The following ASTN2 variants were observed in gnomAD, a reference collection of about 807,000 sequenced individuals.
ASTN2 encodes the protein astrotactin-2.
A neutral mutation model predicts 139.8 loss-of-function variants in ASTN2; 54 were observed. The observed-to-expected ratio is 0.39, with a 90% CI of 0.31 to 0.48. The LOEUF is 0.48. Among genes scored for constraint, ASTN2 ranks in the 20% least tolerant of loss-of-function variants. ASTN2 has a pLI of 0.95. For missense variants in ASTN2, 1,565 were observed against 1,725.1 expected (o/e 0.91, Z 1.64); for synonymous variants, 756 against 719.5 (o/e 1.05, Z -0.81).
chr9:116,654,143 CCCACGCTCTGG>C (rs1366650656), intron 16 of ASTN2, among the ~76,000 whole-genome samples: 3 of 152,166 alleles, frequency 2.0e-5, no homozygotes, highest in Non-Finnish European at 4.4e-5. Context: ...GACTCATTAG[CCCACGCTCTGG>C]CCTAGGTCAA....
intron 4 of ASTN2, among the ~76,000 whole-genome samples, chr9:117,099,718 T>C (rs1828928025): frequency 6.6e-6 from 1 of 152,230 alleles, no homozygotes; most frequent in African/African-American, 2.4e-5. Flanking sequence ...AGCTTGTAAG[T>C]AGCAGAACCA....
chr9:116,598,525 T>C (rs1292564985), intron 19 of ASTN2, among the ~76,000 whole-genome samples: 2 of 152,196 alleles, frequency 1.3e-5, no homozygotes, highest in East Asian at 3.8e-4. Context: ...AGTAAAGTAA[T>C]AGCAAAATCC....
intron 2 of ASTN2, among the ~76,000 whole-genome samples, chr9:117,240,890 T>A (rs1006709221): frequency 6.6e-6 from 1 of 152,202 alleles, no homozygotes; most frequent in Non-Finnish European, 1.5e-5. Context: ...TTCTCGGCAC[T>A]CATTTTCTGC....
intron 19 of ASTN2, among the ~76,000 whole-genome samples, chr9:116,599,125 G>A (rs1018547462): frequency 2.6e-5 from 4 of 152,152 alleles, no homozygotes; most frequent in African/African-American, 9.7e-5. Flanking sequence ...GGATTAAGAC[G>A]ACCTAGAGTT....
At chr9:117,360,263 G>A (rs967648480) in intron 1 of ASTN2, among the ~76,000 whole-genome samples, 4 of 152,198 alleles carry the variant, frequency 2.6e-5, no homozygotes, top group Admixed American at 6.5e-5. Context: ...CTATCAAAGA[G>A]CTTATGGTTT....
At chr9:116,474,379 G>T (rs895077223) in intron 20 of ASTN2, among the ~76,000 whole-genome samples, 11 of 152,302 alleles carry the variant, frequency 7.2e-5, no homozygotes, top group South Asian at 6.2e-4. Flanking sequence ...TCACTATCCT[G>T]TGATTCAAAT....
At chr9:117,153,300 C>T (rs951843377) in intron 3 of ASTN2, among the ~76,000 whole-genome samples, 1 of 152,094 alleles carries the variant, frequency 6.6e-6, no homozygotes, top group Non-Finnish European at 1.5e-5. Flanking sequence ...CACCTTAACT[C>T]CTACAGCCTG....
chr9:116,839,882 T>TTATTA lies in ASTN2; in HGVS notation c.2041-19100_2041-19099insTAATA, dbSNP rs1491254776. On this transcript the variant is annotated intron_variant, in intron 11 of 22. Coordinates refer to ENST00000313400, the MANE Select transcript of ASTN2 (RefSeq NM_001365068.1). Reference sequence around the variant, plus strand: ...TTCATTATTATTATTATTATTATTATTTTTTTTTTTTTAATTGATCATTCT... The same window carrying TTATTA: ...TTCATTATTATTATTATTATTATTATTATTATTTTTTTTTTTTAATTGATCATTCT... 1.9e-3 allele frequency among the ~76,000 whole-genome samples: 118 copies of TTATTA among 61,814 alleles called. 1 individual carries two copies. Among genetic ancestry groups the TTATTA allele is most frequent in the Admixed American group, 4.5e-3 (28 of 6,268 alleles). 40.6% of individuals were successfully genotyped at this position (61,814 alleles called of 152,430 possible).
At chr9:116,590,125 G>A (rs1854319424) in intron 19 of ASTN2, among the ~76,000 whole-genome samples, 1 of 152,184 alleles carries the variant, frequency 6.6e-6, no homozygotes, top group Admixed American at 6.5e-5. Context: ...CAGGAGCTAG[G>A]AACAGGTAGA....
chr9:117,076,656 A>T (rs1440550111), intron 5 of ASTN2, among the ~76,000 whole-genome samples: 1 of 152,030 alleles, frequency 6.6e-6, no homozygotes, highest in Non-Finnish European at 1.5e-5. Context: ...TTCAGGTGAA[A>T]ATGACACCAA....
intron 13 of ASTN2, among the ~76,000 whole-genome samples, chr9:116,790,966 G>GGAAGGAAAGAAA (rs1830520531): frequency 6.1e-5 from 4 of 65,874 alleles, no homozygotes; most frequent in African/African-American, 1.7e-4. Context: ...AAAGAAAGAA[G>GGAAGGAAAGAAA]GAAAGAAAGA....
chr9:116,599,846 A>G (rs1854781285), intron 19 of ASTN2, among the ~76,000 whole-genome samples: 1 of 152,058 alleles, frequency 6.6e-6, no homozygotes, highest in South Asian at 2.1e-4. Flanking sequence ...TTACAACTGT[A>G]CCCCTTTTCT....
intron 1 of ASTN2, among the ~76,000 whole-genome samples, chr9:117,400,880 C>A (rs759752732): frequency 8.5e-5 from 13 of 152,108 alleles, no homozygotes; most frequent in Non-Finnish European, 1.9e-4. Context: ...ATTCCTAGTT[C>A]TAGTCCTCTC....
intron 4 of ASTN2, among the ~76,000 whole-genome samples, chr9:117,140,603 T>G (rs1830051193): frequency 3.1e-5 from 4 of 127,680 alleles, no homozygotes; most frequent in Admixed American, 8.6e-5. Flanking sequence ...GAGGAAGAGA[T>G]GTAGAAGGAG....
intron 2 of ASTN2, among the ~76,000 whole-genome samples, chr9:117,286,659 C>T (rs1834458552): frequency 6.6e-6 from 1 of 152,200 alleles, no homozygotes; most frequent in South Asian, 2.1e-4. Context: ...CCATGGTTTT[C>T]CTCTGACTTT....
At chr9:116,655,873 T>TG (rs112582225) in intron 16 of ASTN2, among the ~76,000 whole-genome samples, 22,465 of 151,374 alleles carry the variant, frequency 0.15, 1,756 homozygotes, top group Middle Eastern at 0.21. Context: ...TCTTGTGTTT[T>TG]TTGTTGTTGT....
intron 1 of ASTN2, among the ~76,000 whole-genome samples, chr9:117,295,115 C>T (rs982684215): frequency 1.3e-5 from 2 of 152,076 alleles, no homozygotes; most frequent in African/African-American, 4.8e-5. Flanking sequence ...TGAAGCCAGG[C>T]ATTTGAGACC....
chr9:116,629,890 G>C (rs532596363), intron 17 of ASTN2, among the ~76,000 whole-genome samples: 1 of 152,044 alleles, frequency 6.6e-6, no homozygotes, highest in South Asian at 2.1e-4. Flanking sequence ...TGTGCACAAG[G>C]CTCTGTCAGC....
At chr9:117,242,130 A>T (rs1359032441) in intron 2 of ASTN2, among the ~76,000 whole-genome samples, 1 of 146,002 alleles carries the variant, frequency 6.8e-6, no homozygotes, top group Non-Finnish European at 1.5e-5. Context: ...ATGGGGTCCA[A>T]TTAGTTTCAT....
Sources: gnomAD v4.1 joint callset for allele counts (sites outside exome capture counted in the v4.1 genomes callset) on GRCh38, gnomAD v4.1.1 for gene constraint, MANE v1.5 for transcripts, NCBI Gene and HGNC (gene_info 2026-07-23, HGNC 2026-07-21) for gene names.